The following TBL1XR1 variants were observed in gnomAD, a reference collection of about 807,000 sequenced individuals.
TBL1XR1 encodes TBL1X/Y related 1, also known as F-box-like/WD repeat-containing protein TBL1XR1.
In TBL1XR1, 5 loss-of-function variants were observed where a neutral mutation model predicts 66.9. That is an observed-to-expected ratio of 0.07 (90% CI 0.04 to 0.16). The LOEUF is 0.16. Ranked by LOEUF, TBL1XR1 falls within the 10% of genes least tolerant of loss-of-function variation. The pLI, the probability that TBL1XR1 is intolerant of heterozygous loss-of-function variation, is 1.00. For synonymous variants in TBL1XR1, 210 were observed against 206.0 expected (o/e 1.02, Z -0.17); for missense variants, 238 against 623.2 (o/e 0.38, Z 6.58).
intron 2 of TBL1XR1, among the ~76,000 whole-genome samples, chr3:177,086,569 T>C (rs1722147891): frequency 6.6e-6 from 1 of 152,186 alleles, no homozygotes; most frequent in Admixed American, 6.5e-5. Context: ...GGAAGTCTCT[T>C]TTCTGAAATA....
At chr3:177,077,201 T>C (rs907868464) in intron 2 of TBL1XR1, among the ~76,000 whole-genome samples, 3 of 152,272 alleles carry the variant, frequency 2.0e-5, no homozygotes, top group African/African-American at 7.2e-5. Context: ...CTCTAGGGAA[T>C]ATAATCTAAG....
intron 1 of TBL1XR1, among the ~76,000 whole-genome samples, chr3:177,148,051 CCTTA>C (rs1377178425): frequency 6.6e-6 from 1 of 152,206 alleles, no homozygotes; most frequent in Non-Finnish European, 1.5e-5. Context: ...TTGTCAACAA[CCTTA>C]CTTATTCTGG....
chr3:177,026,069 C>A, intron 15 of TBL1XR1: 2 of 380,414 alleles, frequency 5.3e-6, no homozygotes, highest in Middle Eastern at 7.5e-4. Flanking sequence ...TAGAAATACA[C>A]ATTAAACATT....
chr3:177,146,239 T>C (rs896827437), intron 1 of TBL1XR1, among the ~76,000 whole-genome samples: 3 of 152,070 alleles, frequency 2.0e-5, no homozygotes, highest in African/African-American at 4.8e-5. Context: ...GCAGTACATC[T>C]TCACTATACT....
At chr3:177,163,063 C>G (rs1159347154) in intron 1 of TBL1XR1, among the ~76,000 whole-genome samples, 2 of 152,148 alleles carry the variant, frequency 1.3e-5, no homozygotes, top group East Asian at 3.8e-4. Flanking sequence ...ATACAGATAT[C>G]CTTTTATGCA....
At chr3:177,168,287 T>TAAAGG (rs1733064499) in intron 1 of TBL1XR1, among the ~76,000 whole-genome samples, 1 of 151,564 alleles carries the variant, frequency 6.6e-6, no homozygotes, top group Non-Finnish European at 1.5e-5. Context: ...ATAAACCTTT[T>TAAAGG]TTTTTTTTTT....
intron 10 of TBL1XR1, among the ~76,000 whole-genome samples, chr3:177,040,739 T>C (rs1198014699): frequency 6.6e-6 from 1 of 151,976 alleles, no homozygotes; most frequent in Admixed American, 6.6e-5. Flanking sequence ...AAGTACTAAG[T>C]ACTAAAGAAC....
chr3:177,079,905 C>G (rs2108599794), intron 2 of TBL1XR1: 1 of 151,940 alleles, frequency 6.6e-6, no homozygotes, highest in East Asian at 1.9e-4. Flanking sequence ...TGGACTGAGT[C>G]AGGAGACCTC....
Position 177,038,328 on chromosome 3 carries a change from T to G in TBL1XR1, c.1032A>C (p.Thr344=). Residue 344 remains threonine (T), a synonymous_variant, in exon 11 of 16, where the codon ACA becomes ACC. Transcript: ENST00000457928. ...CKLGQDRPIK[T]FQGHTNEVNA... ...GGTTTCTTACCGTATGTCCTTGGAA[T>G]GTTTTAATAGGTCTGTCTTGTCCTA... 2 of 1,596,532 alleles carry G rather than the reference T, an allele frequency of 1.3e-6. No homozygotes were observed. Among genetic ancestry groups the G allele is most frequent in the South Asian group, 1.1e-5 (1 of 88,744 alleles).
intron 3 of TBL1XR1, among the ~76,000 whole-genome samples, 152 bp from the exon 4 acceptor site, chr3:177,054,070 G>A (rs1385803075): frequency 6.7e-6 from 1 of 148,250 alleles, no homozygotes; most frequent in Non-Finnish European, 1.5e-5. Flanking sequence ...GTGTGTGTGT[G>A]TGTGCGCGCG....
In TBL1XR1 at chr3:177,065,000, AGGT is replaced by A. The variant is rs1349346010; in HGVS notation, c.-26_-24del. ...CATCTTTATTCCCACTTAAACCATGAGGTCACAACACAGGATATAACCCTAAAA... is the reference window on the plus strand; with the variant it reads ...CATCTTTATTCCCACTTAAACCATGACACAACACAGGATATAACCCTAAAA... On this transcript the variant is annotated 5_prime_UTR_variant, in exon 3 of 16. Coordinates refer to ENST00000457928, the MANE Select transcript of TBL1XR1 (RefSeq NM_024665.7). 6.6e-7 allele frequency: 1 copy of A among 1,517,164 alleles called. No homozygotes were observed. The highest frequency in any genetic ancestry group is 8.8e-7 in the Non-Finnish European group (1 of 1,136,244). The allele number at this position is 1,517,164 out of a possible 1,614,324, so 94.0% of individuals were successfully genotyped here. A position where few individuals can be genotyped will look rare whatever the true frequency, so the allele number is the denominator to read the frequency against.
intron 1 of TBL1XR1, among the ~76,000 whole-genome samples, chr3:177,139,548 AAAATT>A (rs1560219018): frequency 1.3e-5 from 2 of 152,098 alleles, no homozygotes; most frequent in Non-Finnish European, 2.9e-5. Flanking sequence ...GGGAAAAAAA[AAAATT>A]AAAGCATAAA....
chr3:177,094,058 A>G (rs1723154401), intron 2 of TBL1XR1, among the ~76,000 whole-genome samples: 1 of 152,210 alleles, frequency 6.6e-6, no homozygotes, highest in Non-Finnish European at 1.5e-5. Flanking sequence ...GAGTGAGAGA[A>G]AATCTCCACT....
Position 177,020,996 on chromosome 3 carries a change from T to C in TBL1XR1, c.*4502A>G, listed in dbSNP as rs1369681190. The C allele has an allele frequency of 6.6e-6, 1 of 152,140 alleles. No homozygotes were observed. Among genetic ancestry groups the C allele is most frequent in the African/African-American group, 2.4e-5 (1 of 41,456 alleles). 9.4% of individuals were successfully genotyped at this position (152,140 alleles called of 1,614,324 possible). Reference sequence around the variant, plus strand: ...ATCAGTCTTCCTTACACAATAATCATGAAAACTGAACAATGAAGTTCTTTA... The same window carrying C: ...ATCAGTCTTCCTTACACAATAATCACGAAAACTGAACAATGAAGTTCTTTA... On this transcript the variant is annotated 3_prime_UTR_variant, in exon 16 of 16. Coordinates refer to ENST00000457928, the MANE Select transcript of TBL1XR1 (RefSeq NM_024665.7).
Position 177,112,074 on chromosome 3 carries a change from AATATAT to A in TBL1XR1, c.-121-13539_-121-13534del, listed in dbSNP as rs1170375681. On this transcript the variant is annotated intron_variant, in intron 1 of 15. Coordinates refer to ENST00000457928, the MANE Select transcript of TBL1XR1 (RefSeq NM_024665.7). ...ATAAGACAACAAAGATATAAAATCAAATATATATATATATATATATATATATATATA... is the reference window on the plus strand; with the variant it reads ...ATAAGACAACAAAGATATAAAATCAAATATATATATATATATATATATATA... 7.3e-3 allele frequency among the ~76,000 whole-genome samples: 300 copies of A among 40,928 alleles called. 10 individuals are homozygous for A. The highest frequency in any genetic ancestry group is 0.056 in the Middle Eastern group (2 of 36). 26.9% of individuals were successfully genotyped at this position (40,928 alleles called of 152,430 possible). A position where few individuals can be genotyped will look rare whatever the true frequency, so the allele number is the denominator to read the frequency against.
chr3:177,071,155 C>G (rs938044916), intron 2 of TBL1XR1, among the ~76,000 whole-genome samples: 1 of 151,282 alleles, frequency 6.6e-6, no homozygotes, highest in East Asian at 2.0e-4. Flanking sequence ...CTTAGCCTCC[C>G]GAGCAGCTGG....
chr3:177,159,405 G>A (rs1731900451), intron 1 of TBL1XR1, among the ~76,000 whole-genome samples: 1 of 152,082 alleles, frequency 6.6e-6, no homozygotes, highest in African/African-American at 2.4e-5. Flanking sequence ...ATTCAATGCT[G>A]TTGTGAGAAC....
At chr3:177,187,795 G>A (rs181576863) in intron 1 of TBL1XR1, among the ~76,000 whole-genome samples, 15 of 150,720 alleles carry the variant, frequency 1.0e-4, no homozygotes, top group East Asian at 1.9e-4. Context: ...TTCCACATCC[G>A]ATCTCAGACA....
At chr3:177,101,288 ATT>A (rs11302084) in intron 1 of TBL1XR1, among the ~76,000 whole-genome samples, 6 of 147,632 alleles carry the variant, frequency 4.1e-5, no homozygotes, top group African/African-American at 1.2e-4. Context: ...TTTAGATGCA[ATT>A]TTTTTTTTTT....
Sources: gnomAD v4.1 joint callset for allele counts (sites outside exome capture counted in the v4.1 genomes callset) on GRCh38, gnomAD v4.1.1 for gene constraint, MANE v1.5 for transcripts, NCBI Gene and HGNC (gene_info 2026-07-23, HGNC 2026-07-21) for gene names.